The following ZBBX variants were observed in gnomAD, a reference collection of about 807,000 sequenced individuals.
ZBBX encodes zinc finger B-box domain-containing protein 1.
In ZBBX, 101 loss-of-function variants were observed where a neutral mutation model predicts 108.5. That is an observed-to-expected ratio of 0.93 (90% CI 0.79 to 1.10). ZBBX has a LOEUF of 1.10. ZBBX is among the 50% of genes least tolerant of loss of function. The pLI is 0.00. For missense variants in ZBBX, 1,009 were observed against 941.4 expected (o/e 1.07, Z -0.94); for synonymous variants, 356 against 323.4 (o/e 1.10, Z -1.08).
intron 9 of ZBBX, among the ~76,000 whole-genome samples, chr3:167,345,861 A>G (rs562987728): frequency 6.6e-6 from 1 of 151,860 alleles, no homozygotes; most frequent in South Asian, 2.1e-4. Flanking sequence ...TTCTACCTCA[A>G]TTATCTTTTC....
At chr3:167,365,860 A>G (rs373325044) in intron 6 of ZBBX, 26 bp downstream of exon 6, 12 of 1,528,214 alleles carry the variant, frequency 7.9e-6, no homozygotes, top group South Asian at 2.3e-5. Context: ...AGCAAAATGC[A>G]TAAGAATCAA....
chr3:167,342,554 C>T (rs1463865611), intron 9 of ZBBX, among the ~76,000 whole-genome samples: 2 of 151,606 alleles, frequency 1.3e-5, no homozygotes, highest in African/African-American at 4.8e-5. Flanking sequence ...TATTATTAAC[C>T]GTAGGTACCA....
At chr3:167,341,420 A>G (rs1188342725) in intron 9 of ZBBX, among the ~76,000 whole-genome samples, 1 of 151,928 alleles carries the variant, frequency 6.6e-6, no homozygotes, top group Non-Finnish European at 1.5e-5. Context: ...AATATTTTAA[A>G]ATAAGACAAC....
At chr3:167,227,031 AT>A in the ZBBX span, among the ~76,000 whole-genome samples, 1 of 151,788 alleles carries the variant, frequency 6.6e-6, no homozygotes, top group Admixed American at 6.6e-5. Context: ...GATGTTTACA[AT>A]TTTAACATCA....
chr3:167,340,118 G>A (rs896065577), intron 9 of ZBBX, among the ~76,000 whole-genome samples: 4 of 152,016 alleles, frequency 2.6e-5, no homozygotes, highest in African/African-American at 9.7e-5. Flanking sequence ...AGATTATTTT[G>A]CCAGGATATT....
At chr3:167,358,588 C>A (rs1019856109) in intron 8 of ZBBX, among the ~76,000 whole-genome samples, 5 of 152,008 alleles carry the variant, frequency 3.3e-5, no homozygotes, top group Non-Finnish European at 7.4e-5. Flanking sequence ...AGTTAAAGAG[C>A]AGTCAGAAGT....
chr3:167,179,729 C>A, the ZBBX span, among the ~76,000 whole-genome samples: 9 of 152,298 alleles, frequency 5.9e-5, no homozygotes, highest in African/African-American at 2.2e-4. Flanking sequence ...ACCTTTTGAG[C>A]CAGAATAAGA....
At chr3:167,404,131 C>T (rs1341149939) in intron 1 of ZBBX, among the ~76,000 whole-genome samples, 4 of 151,944 alleles carry the variant, frequency 2.6e-5, no homozygotes, top group East Asian at 1.9e-4. Flanking sequence ...AGACCTGGTT[C>T]GGCTATATGA....
At chr3:167,360,755 G>A in intron 6 of ZBBX, 32 bp from the exon 7 acceptor site, 2 of 1,336,834 alleles carry the variant, frequency 1.5e-6, no homozygotes, top group Non-Finnish European at 2.0e-6. Context: ...TATTTGTCAG[G>A]TATATATTAT....
chr3:167,188,074 A>G, the ZBBX span, among the ~76,000 whole-genome samples: 2 of 152,204 alleles, frequency 1.3e-5, no homozygotes, highest in Non-Finnish European at 2.9e-5. Flanking sequence ...TAGAGAAAAA[A>G]TCTTACTCAG....
At chr3:167,347,348 G>T (rs1420771303) in intron 9 of ZBBX, among the ~76,000 whole-genome samples, 1 of 151,876 alleles carries the variant, frequency 6.6e-6, no homozygotes, top group East Asian at 1.9e-4. Flanking sequence ...TCACACAGTT[G>T]CTTCTTTTTA....
intron 8 of ZBBX, among the ~76,000 whole-genome samples, chr3:167,351,882 T>G (rs956815232): frequency 2.0e-5 from 3 of 152,032 alleles, no homozygotes; most frequent in African/African-American, 7.2e-5. Context: ...TTCCTGTCAG[T>G]CTCTCCCAAA....
intron 2 of ZBBX, among the ~76,000 whole-genome samples, chr3:167,375,791 T>G (rs568811168): frequency 1.1e-3 from 163 of 152,138 alleles, no homozygotes; most frequent in African/African-American, 3.9e-3. Flanking sequence ...TTGGAGGAAA[T>G]TCTCTAGGAA....
At chr3:167,192,283 G>T in the ZBBX span, among the ~76,000 whole-genome samples, 1 of 151,924 alleles carries the variant, frequency 6.6e-6, no homozygotes, top group East Asian at 1.9e-4. Context: ...TTGAAGAGTC[G>T]CCTTTAGCAT....
chr3:167,308,719 T>C (rs891315039), intron 16 of ZBBX, among the ~76,000 whole-genome samples: 1 of 152,016 alleles, frequency 6.6e-6, no homozygotes, highest in Non-Finnish European at 1.5e-5. Context: ...TAAGCACTAG[T>C]TTATAATTTA....
chr3:167,339,184 A>C (rs1740106823), intron 9 of ZBBX, among the ~76,000 whole-genome samples: 1 of 152,120 alleles, frequency 6.6e-6, no homozygotes, highest in African/African-American at 2.4e-5. Context: ...GCTTTCTTAC[A>C]ACTAAAGCCA....
the ZBBX span, among the ~76,000 whole-genome samples, chr3:167,203,019 T>C: frequency 0.023 from 3,522 of 152,258 alleles, 55 homozygotes; most frequent in Non-Finnish European, 0.034. Flanking sequence ...AAAATGATCA[T>C]GATCTAATAT....
In ZBBX at chr3:167,349,864, T is replaced by C. The variant is rs564113793; in HGVS notation, c.528+556A>G. 5.3e-5 allele frequency among the ~76,000 whole-genome samples: 8 copies of C among 152,142 alleles called. No individual in the cohort carries two copies. The East Asian group carries it at 1.5e-3, about 29-fold the overall frequency. ...TGTCTATATCTAATTCTATTTATAG[T>C]TTAAGTATTAGAATCTTAAAGCCAC... On this transcript the variant is annotated intron_variant, in intron 9 of 21. Transcript: ENST00000675490.
the ZBBX span, among the ~76,000 whole-genome samples, chr3:167,211,514 G>A: frequency 6.6e-6 from 1 of 152,146 alleles, no homozygotes; most frequent in African/African-American, 2.4e-5. Context: ...CACAAGATAA[G>A]ACCCACTGGC....
Sources: allele counts gnomAD v4.1 joint callset (sites outside exome capture counted in the v4.1 genomes callset), GRCh38; gene constraint gnomAD v4.1.1; transcripts MANE v1.5; gene names NCBI Gene and HGNC (gene_info 2026-07-23, HGNC 2026-07-21).